The following ADAMTS2 variants were observed in gnomAD, a reference collection of about 807,000 sequenced individuals.
ADAMTS2 encodes the protein ADAM metallopeptidase with thrombospondin type 1 motif 2.
A neutral mutation model predicts 123.0 loss-of-function variants in ADAMTS2; 50 were observed. The ratio of observed to expected loss-of-function variants is 0.41; its 90% CI spans 0.32 to 0.51. The LOEUF (loss-of-function observed/expected upper bound fraction) is 0.51. Ranked by LOEUF, ADAMTS2 falls within the 20% of genes least tolerant of loss-of-function variation. The probability of loss-of-function intolerance (pLI) is 0.35; values close to 1 mark genes in which losing one functional copy is unlikely to be tolerated. For synonymous variants in ADAMTS2, 678 were observed against 695.4 expected, an observed-to-expected ratio of 0.98 and a Z score of 0.39; for missense variants, 1,494 against 1,705.2, an observed-to-expected ratio of 0.88 and a Z score of 2.18.
chr5:179,231,906 C>A (rs1765418468), intron 3 of ADAMTS2, among the ~76,000 whole-genome samples: 1 of 144,052 alleles, frequency 6.9e-6, no homozygotes, highest in Non-Finnish European at 1.5e-5. Context: ...CAGAGCGAGA[C>A]CCTGTCTCTA....
At chr5:179,196,141 T>C (rs533524261) in intron 4 of ADAMTS2, among the ~76,000 whole-genome samples, 2 of 152,184 alleles carry the variant, frequency 1.3e-5, no homozygotes, top group Non-Finnish European at 2.9e-5. Context: ...GCCTTCGGAT[T>C]GTTTGCAAAC....
chr5:179,320,790 T>C (rs1450149764), intron 2 of ADAMTS2, among the ~76,000 whole-genome samples: 1 of 152,188 alleles, frequency 6.6e-6, no homozygotes, highest in Non-Finnish European at 1.5e-5. Context: ...AGGTATTCCA[T>C]GAAGTTAAAT....
intron 2 of ADAMTS2, among the ~76,000 whole-genome samples, chr5:179,292,876 GCCC>G (rs1207880088): frequency 4.6e-5 from 7 of 152,166 alleles, no homozygotes; most frequent in Non-Finnish European, 1.5e-5. Context: ...TCCAGCCCCA[GCCC>G]CCCAATAGCC....
chr5:179,158,841 G>C lies in ADAMTS2; in HGVS notation c.1014C>G (p.Ser338Arg). Residue 338 changes from serine to arginine, a missense_variant, in exon 6 of 22, where the codon AGC becomes AGG. Physicochemically the swap from Ser to Arg is moderately radical, Grantham distance 110. Coordinates refer to ENST00000251582, the MANE Select transcript of ADAMTS2 (RefSeq NM_014244.5). The surrounding 1 kb of genome is among the most constrained non-coding windows in gnomAD (Gnocchi z 5.0). ...AGGCCCAGCGGCAGACATTCTCCAG[G>C]CTCTGAGAGGGGTTCCCGATCTCGA... ...SLIEIGNPSQSLENVCRWAYL... is the reference protein window; with the variant it reads ...SLIEIGNPSQRLENVCRWAYL... 1 of 1,614,230 alleles carries C rather than the reference G, an allele frequency of 6.2e-7. No individual in the cohort carries two copies. Among genetic ancestry groups the C allele is most frequent in the Non-Finnish European group, 8.5e-7 (1 of 1,180,054 alleles).
chr5:179,232,509 C>A (rs1476937991), intron 3 of ADAMTS2, among the ~76,000 whole-genome samples: 1 of 152,204 alleles, frequency 6.6e-6, no homozygotes, highest in Non-Finnish European at 1.5e-5. Context: ...GCATGGCTAC[C>A]AAGAGTCTGT....
intron 2 of ADAMTS2, among the ~76,000 whole-genome samples, chr5:179,295,800 G>A (rs1374526657): frequency 6.6e-6 from 1 of 152,190 alleles, no homozygotes; most frequent in Non-Finnish European, 1.5e-5. Context: ...AGGGATTCAG[G>A]AGCAGCCACC....
chr5:179,228,606 G>A lies in ADAMTS2; in HGVS notation c.689-20891C>T, dbSNP rs1380992901. On this transcript the variant is annotated intron_variant, in intron 3 of 21. Coordinates refer to ENST00000251582, the MANE Select transcript of ADAMTS2 (RefSeq NM_014244.5). This position sits in a 1 kb window ranked among gnomAD's most constrained non-coding sequence, Gnocchi z 5.2. Reference sequence around the variant, plus strand: ...GCCTGATGCAGTCTCTCGGCAGCAAGGCAGGTGCCCTGAGACCTGGAGGTG... The same window carrying A: ...GCCTGATGCAGTCTCTCGGCAGCAAAGCAGGTGCCCTGAGACCTGGAGGTG... 6.6e-6 allele frequency among the ~76,000 whole-genome samples: 1 copy of A among 152,242 alleles called. No homozygotes were observed. Among genetic ancestry groups the A allele is most frequent in the Non-Finnish European group, 1.5e-5 (1 of 68,044 alleles).
rs181560831 is a variant in ADAMTS2 at position 179,180,734 on chromosome 5, A to G, written c.975+338T>C. On this transcript the variant is annotated intron_variant, in intron 5 of 21. Transcript: ENST00000251582. The surrounding 1 kb of genome is among the most constrained non-coding windows in gnomAD (Gnocchi z 4.6). ...CCCTGTCCCCATCGGTCCTTCCTGC[A>G]GAAACAACATGGACTCAGGCTGCTG... Among the ~76,000 whole-genome samples the G allele has an allele frequency of 1.3e-5, 2 of 152,164 alleles. No homozygotes were observed.
At chr5:179,137,260 G>A (rs1763080944) in intron 12 of ADAMTS2, among the ~76,000 whole-genome samples, 1 of 152,240 alleles carries the variant, frequency 6.6e-6, no homozygotes, top group Admixed American at 6.5e-5. Flanking sequence ...AGGGTCCCCA[G>A]CTGCCACACA....
intron 2 of ADAMTS2, among the ~76,000 whole-genome samples, chr5:179,326,106 A>G (rs1381479989): frequency 6.6e-6 from 1 of 150,942 alleles, no homozygotes; most frequent in Non-Finnish European, 1.5e-5. Flanking sequence ...CCGCCACGAG[A>G]CTCTTCTCCC....
chr5:179,153,120 C>T (rs563586987), intron 9 of ADAMTS2, among the ~76,000 whole-genome samples: 256 of 148,760 alleles, frequency 1.7e-3, no homozygotes, highest in African/African-American at 5.7e-3. Flanking sequence ...CAGGCCTCTG[C>T]GTCCGTGGCC....
intron 10 of ADAMTS2, 80 bp from the exon 11 acceptor site, chr5:179,140,115 GTCTGGGACACGTCCTGGCCCCAC>G: frequency 6.2e-7 from 1 of 1,600,568 alleles, no homozygotes; most frequent in Non-Finnish European, 8.5e-7. Context: ...AGCCTGCAGT[GTCTGGGACACGTCCTGGCCCCAC>G]TCTGGGGCAC....
In ADAMTS2 at chr5:179,197,850, C is replaced by T. The variant is rs1189853501; in HGVS notation, c.891+9663G>A. Among the ~76,000 whole-genome samples, 1 of 152,228 alleles carries T rather than the reference C, an allele frequency of 6.6e-6. No individual in the cohort carries two copies. Among genetic ancestry groups the T allele is most frequent in the East Asian group, 1.9e-4 (1 of 5,192 alleles). The stretch of plus-strand genomic sequence containing the variant: ...GGGACGAAACTTGAGGTGCCACACA[C>T]ATCTGAGCTGCCTCCTAGCATGGCA... On this transcript the variant is annotated intron_variant, in intron 4 of 21. Transcript: ENST00000251582. This position sits in a 1 kb window ranked among gnomAD's most constrained non-coding sequence, Gnocchi z 4.2.
At chr5:179,183,481 G>GAA (rs1764096380) in intron 4 of ADAMTS2, among the ~76,000 whole-genome samples, 1 of 152,242 alleles carries the variant, frequency 6.6e-6, no homozygotes, top group Admixed American at 6.5e-5. Context: ...CTTGATCCTG[G>GAA]CTGCTGCCTG....
intron 2 of ADAMTS2, among the ~76,000 whole-genome samples, chr5:179,342,444 C>T (rs1362163252): frequency 6.6e-6 from 1 of 152,210 alleles, no homozygotes; most frequent in Admixed American, 6.5e-5. Context: ...TGCAATATGG[C>T]CAAGTTCTAA....
At chr5:179,231,243 G>A (rs549448017) in intron 3 of ADAMTS2, among the ~76,000 whole-genome samples, 5 of 152,284 alleles carry the variant, frequency 3.3e-5, no homozygotes, top group Admixed American at 2.0e-4. Context: ...CTGGGGGAGC[G>A]GGAAATGGGG....
In ADAMTS2 at chr5:179,132,903, G is replaced by A. The variant is rs756427989; in HGVS notation, c.2086-3C>T. The A allele has an allele frequency of 3.1e-5, 50 of 1,613,458 alleles. No individual in the cohort carries two copies. The Admixed American group carries it at 8.3e-4, about 27-fold the overall frequency. ...ATCACACCGTCACAGCCCACCTTCT[G>A]TTGGGGGAGGAGGCAGTGAGCACTT... On this transcript the variant is annotated splice_region_variant and splice_polypyrimidine_tract_variant and intron_variant, in intron 13 of 21. Transcript: ENST00000251582. The surrounding 1 kb of genome is among the most constrained non-coding windows in gnomAD (Gnocchi z 6.1).
At chr5:179,274,704 C>T (rs899308613) in intron 2 of ADAMTS2, among the ~76,000 whole-genome samples, 1 of 152,210 alleles carries the variant, frequency 6.6e-6, no homozygotes, top group Non-Finnish European at 1.5e-5. Context: ...GCAGTCAGTG[C>T]CCCCCAGGGC....
chr5:179,120,845 T>C (rs1398259541), intron 21 of ADAMTS2: 1 of 152,234 alleles, frequency 6.6e-6, no homozygotes, highest in African/African-American at 2.4e-5. Context: ...ACACCTTCCC[T>C]GCCTTCTACT....
Sources: gnomAD v4.1 joint callset for allele counts (sites outside exome capture counted in the v4.1 genomes callset) on GRCh38, gnomAD v4.1.1 for gene constraint, Gnocchi (gnomAD v3.1) non-coding constraint, MANE v1.5 for transcripts, NCBI Gene and HGNC (gene_info 2026-07-23, HGNC 2026-07-21) for gene names.